The following IL1RAPL1 variants were observed in gnomAD, a reference collection of about 807,000 sequenced individuals.
IL1RAPL1 encodes interleukin-1 receptor accessory protein-like 1.
IL1RAPL1 carries 3 observed loss-of-function variants against 48.4 expected under a neutral mutation model. The observed-to-expected ratio is 0.06, with a 90% CI of 0.03 to 0.16. IL1RAPL1 has a LOEUF of 0.16. Among genes scored for constraint, IL1RAPL1 ranks in the 10% least tolerant of loss-of-function variants. The pLI is 1.00. For synonymous variants in IL1RAPL1, 185 were observed against 187.7 expected, an observed-to-expected ratio of 0.99 and a Z score of 0.12; for missense variants, 349 against 530.6, an observed-to-expected ratio of 0.66 and a Z score of 3.36.
chrX:29,916,438 T>C (rs770483510), intron 6 of IL1RAPL1, among the ~76,000 whole-genome samples: 3 of 111,761 alleles, frequency 2.7e-5, no homozygotes, highest in African/African-American at 6.5e-5. Flanking sequence ...CTACCACAAA[T>C]TGAGAGTTTG....
At chrX:28,922,337 G>A (rs1879696858) in intron 2 of IL1RAPL1, among the ~76,000 whole-genome samples, 1 of 112,059 alleles carries the variant, frequency 8.9e-6, no homozygotes, top group South Asian at 3.7e-4. Context: ...ATTCTTGTAT[G>A]CATTCCTTCT....
At chrX:29,826,345 G>A (rs1930739587) in intron 6 of IL1RAPL1, among the ~76,000 whole-genome samples, 2 of 111,985 alleles carry the variant, frequency 1.8e-5, no homozygotes, top group South Asian at 7.4e-4. Flanking sequence ...TTCTAATTCA[G>A]TGGTTTTGGG....
At chrX:29,644,568 C>CTTTTGT (rs1027884303) in intron 5 of IL1RAPL1, among the ~76,000 whole-genome samples, 1 of 98,587 alleles carries the variant, frequency 1.0e-5, no homozygotes, top group African/African-American at 3.7e-5. Context: ...GTTTTGTTTT[C>CTTTTGT]TTTTGTTTTT....
chrX:29,917,425 A>G (rs1177978125), intron 6 of IL1RAPL1, 39 bp from the exon 7 acceptor site: 1 of 1,191,479 alleles, frequency 8.4e-7, no homozygotes, highest in Non-Finnish European at 1.1e-6. Context: ...AGTGTGAACA[A>G]ATAGTTTTAT....
rs986212041 is a variant in IL1RAPL1 at position 29,530,563 on chromosome X, A to G, written c.703+131255A>G. Among the ~76,000 whole-genome samples the G allele has an allele frequency of 5.4e-5, 6 of 112,113 alleles. No individual in the cohort carries two copies. The East Asian group carries it at 1.7e-3, about 31-fold the overall frequency. The stretch of plus-strand genomic sequence containing the variant: ...GTCATTGACTGAGGGCTTCTGGAGC[A>G]TGCAAATTAAATTCTAAGCACTTCC... On this transcript the variant is annotated intron_variant, in intron 5 of 10. Transcript: ENST00000378993.
chrX:28,632,246 CTG>C (rs1934409814), intron 1 of IL1RAPL1, among the ~76,000 whole-genome samples: 1 of 111,524 alleles, frequency 9.0e-6, no homozygotes, highest in Non-Finnish European at 1.9e-5. Flanking sequence ...TGCCTTCTCA[CTG>C]TGTCTTTATA....
chrX:28,828,843 C>T (rs1237070457), intron 2 of IL1RAPL1, among the ~76,000 whole-genome samples: 4 of 111,315 alleles, frequency 3.6e-5, no homozygotes, highest in African/African-American at 1.3e-4. Flanking sequence ...GCTGGTAATT[C>T]CAGATGAATT....
chrX:29,611,506 T>A (rs1282681059), intron 5 of IL1RAPL1, among the ~76,000 whole-genome samples: 2 of 112,066 alleles, frequency 1.8e-5, no homozygotes, highest in Non-Finnish European at 3.8e-5. Flanking sequence ...CTTCCTAAAA[T>A]ATATAAAGCC....
intron 3 of IL1RAPL1, among the ~76,000 whole-genome samples, chrX:29,287,609 G>T (rs1384030993): frequency 8.9e-6 from 1 of 111,784 alleles, no homozygotes. Context: ...TAGCCATTCT[G>T]GTAGGCATAT....
At chrX:28,912,013 C>A (rs184014378) in intron 2 of IL1RAPL1, among the ~76,000 whole-genome samples, 1 of 103,280 alleles carries the variant, frequency 9.7e-6, no homozygotes, top group African/African-American at 3.5e-5. Context: ...AGTATGGTAA[C>A]AATAACATAC....
chrX:29,439,851 G>GTTTT (rs760458968), intron 5 of IL1RAPL1, among the ~76,000 whole-genome samples: 1,330 of 59,610 alleles, frequency 0.022, 61 homozygotes, highest in African/African-American at 0.036. Context: ...TGTTTGTTTG[G>GTTTT]TTTTTTTTTT....
chrX:29,440,109 G>A (rs942990085), intron 5 of IL1RAPL1, among the ~76,000 whole-genome samples: 8 of 107,853 alleles, frequency 7.4e-5, no homozygotes, highest in Non-Finnish European at 1.3e-4. Context: ...TAAATTATTT[G>A]GTATTTCAGA....
chrX:29,476,701 A>G (rs767047961), intron 5 of IL1RAPL1, among the ~76,000 whole-genome samples: 1 of 109,742 alleles, frequency 9.1e-6, no homozygotes, highest in African/African-American at 3.4e-5. Flanking sequence ...GGGCAAGGGC[A>G]GTATTAAACT....
intron 1 of IL1RAPL1, among the ~76,000 whole-genome samples, chrX:28,605,355 G>A (rs940510615): frequency 1.8e-5 from 2 of 111,531 alleles, no homozygotes; most frequent in East Asian, 5.6e-4. Flanking sequence ...TTCCCATCTC[G>A]ATTGATGTCA....
chrX:28,687,642 C>T (rs1316777912), intron 1 of IL1RAPL1, among the ~76,000 whole-genome samples: 3 of 109,666 alleles, frequency 2.7e-5, no homozygotes, highest in East Asian at 2.9e-4. Flanking sequence ...ATTAGCTGGG[C>T]GTGGTGGCGG....
At chrX:29,251,624 G>A (rs1158927342) in intron 2 of IL1RAPL1, among the ~76,000 whole-genome samples, 1 of 110,662 alleles carries the variant, frequency 9.0e-6, no homozygotes, top group Non-Finnish European at 1.9e-5. Flanking sequence ...AAGTGAAGGG[G>A]CAAGACATGT....
chrX:28,730,132 T>G (rs1160516138), intron 1 of IL1RAPL1, among the ~76,000 whole-genome samples: 1 of 111,849 alleles, frequency 8.9e-6, no homozygotes, highest in African/African-American at 3.2e-5. Context: ...AGAAAGCTTA[T>G]CCATTTGCTG....
At chrX:29,572,773 A>G (rs2147799186) in intron 5 of IL1RAPL1, among the ~76,000 whole-genome samples, 2 of 112,378 alleles carry the variant, frequency 1.8e-5, no homozygotes, top group Admixed American at 9.4e-5. Flanking sequence ...AATGAAAACT[A>G]TTTCAAACAT....
chrX:28,726,155 A>G (rs1476816197), intron 1 of IL1RAPL1, among the ~76,000 whole-genome samples: 1 of 111,916 alleles, frequency 8.9e-6, no homozygotes, highest in Admixed American at 9.5e-5. Flanking sequence ...AGTTTTGATG[A>G]TCATTCTGTT....
Sources: gnomAD v4.1 joint callset for allele counts (sites outside exome capture counted in the v4.1 genomes callset) on GRCh38, gnomAD v4.1.1 for gene constraint, MANE v1.5 for transcripts, NCBI Gene and HGNC (gene_info 2026-07-23, HGNC 2026-07-21) for gene names.